The following KCNH5 variants were observed in gnomAD, a reference collection of about 807,000 sequenced individuals.
The protein encoded by KCNH5 is voltage-gated delayed rectifier potassium channel KCNH5.
In KCNH5, 46 loss-of-function variants were observed where a neutral mutation model predicts 96.1. The observed-to-expected ratio is 0.48, with a 90% confidence interval of 0.38 to 0.61. KCNH5 has a LOEUF of 0.61. Ranked by LOEUF, KCNH5 falls within the 20% of genes least tolerant of loss-of-function variation. KCNH5 has a pLI of 0.00. For synonymous variants in KCNH5, 439 were observed against 449.8 expected, an observed-to-expected ratio of 0.98 and a Z score of 0.30; for missense variants, 907 against 1,225.8, an observed-to-expected ratio of 0.74 and a Z score of 3.88.
chr14:62,816,915 A>G (rs1197468233), intron 8 of KCNH5, among the ~76,000 whole-genome samples: 1 of 150,956 alleles, frequency 6.6e-6, no homozygotes, highest in East Asian at 2.0e-4. Context: ...TTCCTGACCA[A>G]ATATGCAGTT....
chr14:62,938,801 C>G (rs534541822), intron 7 of KCNH5, among the ~76,000 whole-genome samples: 1 of 152,342 alleles, frequency 6.6e-6, no homozygotes, highest in African/African-American at 2.4e-5. Flanking sequence ...TCTCCTCTGA[C>G]TAAAACGTCT....
intron 7 of KCNH5, among the ~76,000 whole-genome samples, chr14:62,876,393 A>G (rs1022441696): frequency 2.0e-5 from 3 of 152,222 alleles, no homozygotes; most frequent in African/African-American, 7.2e-5. Context: ...AGACACACCA[A>G]TTAGAAAGGT....
intron 1 of KCNH5, among the ~76,000 whole-genome samples, chr14:63,044,846 T>TCCAAC (rs1555335540): frequency 6.6e-6 from 1 of 152,144 alleles, no homozygotes; most frequent in Non-Finnish European, 1.5e-5. Context: ...CTACACCCTA[T>TCCAAC]CCAACCCCTT....
chr14:62,826,410 G>GTA (rs1303842107), intron 8 of KCNH5, among the ~76,000 whole-genome samples: 2 of 126,040 alleles, frequency 1.6e-5, no homozygotes, highest in Non-Finnish European at 3.3e-5. Context: ...GTGCGTGCAT[G>GTA]TGTGTGTGTG....
chr14:62,875,378 C>T (rs1208623884), intron 7 of KCNH5, among the ~76,000 whole-genome samples: 5 of 151,968 alleles, frequency 3.3e-5, no homozygotes, highest in East Asian at 1.9e-4. Context: ...GAGCCCGCAT[C>T]GCCAAGTCAA....
chr14:63,032,747 G>C (rs1266116775), intron 1 of KCNH5, among the ~76,000 whole-genome samples: 1 of 152,140 alleles, frequency 6.6e-6, no homozygotes, highest in African/African-American at 2.4e-5. Flanking sequence ...TCTGCAAATG[G>C]AATGCAGAAA....
At chr14:62,715,404 A>C (rs530634063) in intron 10 of KCNH5, among the ~76,000 whole-genome samples, 3 of 152,228 alleles carry the variant, frequency 2.0e-5, no homozygotes, top group Non-Finnish European at 4.4e-5. Context: ...AGTTGGTTTG[A>C]TTCTTTGGTT....
At chr14:62,860,816 G>C (rs1443077547) in intron 7 of KCNH5, among the ~76,000 whole-genome samples, 2 of 152,212 alleles carry the variant, frequency 1.3e-5, no homozygotes, top group Non-Finnish European at 2.9e-5. Flanking sequence ...GAGGGGAGCT[G>C]TCTTAGGCAC....
intron 6 of KCNH5, among the ~76,000 whole-genome samples, chr14:62,965,072 T>A (rs973406430): frequency 2.6e-5 from 4 of 152,048 alleles, no homozygotes; most frequent in Non-Finnish European, 5.9e-5. Context: ...AGTACCTCAA[T>A]ATATATATAG....
intron 7 of KCNH5, among the ~76,000 whole-genome samples, chr14:62,862,107 A>T (rs1301204626): frequency 5.3e-5 from 8 of 152,214 alleles, no homozygotes; most frequent in Non-Finnish European, 1.2e-4. Flanking sequence ...CAGCATGTAA[A>T]AGAAGCAACA....
chr14:62,800,297 T>G (rs762626794), intron 9 of KCNH5, among the ~76,000 whole-genome samples: 2 of 152,136 alleles, frequency 1.3e-5, no homozygotes, highest in Non-Finnish European at 2.9e-5. Flanking sequence ...GACAGATATA[T>G]GATGAGATGG....
At chr14:62,891,862 G>A (rs1017662896) in intron 7 of KCNH5, among the ~76,000 whole-genome samples, 22 of 152,122 alleles carry the variant, frequency 1.4e-4, no homozygotes, top group African/African-American at 5.3e-4. Context: ...CACAAACTTG[G>A]CCAATGTAAG....
chr14:62,783,935 CTTCTT>C (rs1197671805), intron 9 of KCNH5, among the ~76,000 whole-genome samples: 1 of 150,902 alleles, frequency 6.6e-6, no homozygotes, highest in East Asian at 1.9e-4. Flanking sequence ...TCTACTTTAT[CTTCTT>C]TTCTTAAGAA....
At chr14:62,840,236 G>A (rs1887548770) in intron 8 of KCNH5, among the ~76,000 whole-genome samples, 1 of 152,094 alleles carries the variant, frequency 6.6e-6, no homozygotes, top group Admixed American at 6.5e-5. Context: ...ATCTCTCAGA[G>A]ATGTCCCAGT....
intron 2 of KCNH5, among the ~76,000 whole-genome samples, chr14:63,015,452 T>C (rs1157037765): frequency 6.6e-6 from 1 of 152,030 alleles, no homozygotes; most frequent in Non-Finnish European, 1.5e-5. Flanking sequence ...CTGTATAACA[T>C]GGATGACTCT....
intron 7 of KCNH5, among the ~76,000 whole-genome samples, chr14:62,891,999 T>G (rs1468585345): frequency 2.0e-5 from 3 of 152,160 alleles, no homozygotes; most frequent in Non-Finnish European, 4.4e-5. Flanking sequence ...ATTAGGCCAG[T>G]TAATCACTCT....
At chr14:62,853,481 C>CATATATATATATATATATATATATCAT in intron 7 of KCNH5, among the ~76,000 whole-genome samples, 1 of 41,334 alleles carries the variant, frequency 2.4e-5, no homozygotes, top group African/African-American at 8.6e-5. Context: ...ATATATATAT[C>CATATATATATATATATATATATATCAT]ATATATATAT....
At chr14:62,719,188 T>C (rs1020225002) in intron 10 of KCNH5, among the ~76,000 whole-genome samples, 13 of 152,356 alleles carry the variant, frequency 8.5e-5, no homozygotes, top group African/African-American at 2.9e-4. Flanking sequence ...ACTTAAAATA[T>C]TGTGAATTGT....
At chr14:62,791,828 G>C (rs1036994137) in intron 9 of KCNH5, among the ~76,000 whole-genome samples, 3 of 151,530 alleles carry the variant, frequency 2.0e-5, no homozygotes, top group African/African-American at 4.8e-5. Context: ...TAACAGCACA[G>C]GACTTCAATA....
Sources: gnomAD v4.1 joint callset for allele counts (sites outside exome capture counted in the v4.1 genomes callset) on GRCh38, gnomAD v4.1.1 for gene constraint, MANE v1.5 for transcripts, NCBI Gene and HGNC (gene_info 2026-07-23, HGNC 2026-07-21) for gene names.